The following AKAP11 variants were observed in gnomAD, a reference collection of about 807,000 sequenced individuals.
AKAP11 encodes A-kinase anchoring protein 11, also known as A-kinase anchor protein 11.
Under a neutral mutation model 146.1 loss-of-function variants are expected in AKAP11, and 36 were observed. That is an observed-to-expected ratio of 0.25 (90% CI 0.19 to 0.33). The LOEUF (loss-of-function observed/expected upper bound fraction) is 0.33. Ranked by LOEUF, AKAP11 falls within the 10% of genes least tolerant of loss-of-function variation. The pLI, the probability that AKAP11 is intolerant of heterozygous loss-of-function variation, is 1.00. For missense variants in AKAP11, 2,201 were observed against 2,197.0 expected, an observed-to-expected ratio of 1.00 and a Z score of -0.04; for synonymous variants, 780 against 786.5, an observed-to-expected ratio of 0.99 and a Z score of 0.14.
rs1420149025 is a variant in AKAP11 at position 42,279,691 on chromosome 13, C to CT, written c.-99-6288dup. ...TCATTTCTAGGTCTTCATTTATTGC[C>CT]TTTTTTTCTCTTGGTTATGGTTCAT... is the stretch of plus-strand genomic sequence containing the variant. On this transcript the variant is annotated intron_variant, in intron 1 of 12. Transcript: ENST00000025301. Among the ~76,000 whole-genome samples, 3 of 152,146 alleles carry CT rather than the reference C, an allele frequency of 2.0e-5. No homozygotes were observed. The East Asian group carries it at 5.8e-4, about 29-fold the overall frequency.
intron 4 of AKAP11, 127 bp from the exon 5 acceptor site, chr13:42,295,568 A>T: frequency 1.2e-6 from 1 of 866,056 alleles, no homozygotes. Context: ...GTCATCTTTG[A>T]AAAAAATCCT....
In AKAP11 at chr13:42,303,653, G is replaced by C. The variant is rs1268219777; in HGVS notation, c.4907G>C (p.Ser1636Thr). 1 of 1,614,032 alleles carries C rather than the reference G, an allele frequency of 6.2e-7. No homozygotes were observed. The highest frequency in any genetic ancestry group is 8.5e-7 in the Non-Finnish European group (1 of 1,180,022). The change falls in exon 8 of 13, where the codon AGT becomes ACT. Residue 1636 changes from serine (S) to threonine (T), a missense_variant. Physicochemically the swap from Ser to Thr is moderately conservative, Grantham distance 58. Around this residue, in one of 3 missense-constraint regions of AKAP11, gnomAD observed 1,867 missense variants for 1,833.5 expected, o/e 1.02. Coordinates refer to ENST00000025301, the MANE Select transcript of AKAP11 (RefSeq NM_016248.4). ...CAGAAATCTAGGATTTTTCATCTCA[G>C]TGTCCCTCAGATTCATGTTAATCTT... ...RYQKSRIFHL[S>T]VPQIHVNLDK...
chr13:42,312,999 C>T (rs1287158522), intron 9 of AKAP11, 48 bp from the exon 10 acceptor site: 2 of 1,510,576 alleles, frequency 1.3e-6, no homozygotes, highest in Non-Finnish European at 1.8e-6. Flanking sequence ...AAGGTCTTTT[C>T]TACTATTCAT....
In AKAP11 at chr13:42,319,159, A is replaced by G; in HGVS notation, c.5637A>G (p.Glu1879=). The change falls in exon 13 of 13, where the codon GAA becomes GAG. Residue 1879 remains glutamate, a synonymous_variant. Coordinates refer to ENST00000025301, the MANE Select transcript of AKAP11 (RefSeq NM_016248.4). The part of the protein sequence containing the change: ...DLLQAVLQYY[E]VMEKASSEER... Reference sequence around the variant, plus strand: ...TGCAGGCTGTGCTTCAATACTATGAAGTGATGGAAAAAGCTTCCAGTGAGG... The same window carrying G: ...TGCAGGCTGTGCTTCAATACTATGAGGTGATGGAAAAAGCTTCCAGTGAGG... The G allele has an allele frequency of 6.2e-7, 1 of 1,614,094 alleles. No individual in the cohort carries two copies. The highest frequency in any genetic ancestry group is 8.5e-7 in the Non-Finnish European group (1 of 1,179,976).
rs539913833 is a variant in AKAP11, at chr13:42,321,781, A to G, written c.*2553A>G. The stretch of plus-strand genomic sequence containing the variant: ...TGACATATTTATACTGTAACATTGT[A>G]ATATTGCTGTGCTGTACATTTTGGC... On this transcript the variant is annotated 3_prime_UTR_variant, in exon 13 of 13. Transcript: ENST00000025301. 1 of 152,410 alleles carries G rather than the reference A, an allele frequency of 6.6e-6. No homozygotes were observed. The highest frequency in any genetic ancestry group is 2.4e-5 in the African/African-American group (1 of 41,572). The allele number at this position is 152,410 out of a possible 1,614,324, so 9.4% of individuals were successfully genotyped here. A position where few individuals can be genotyped will look rare whatever the true frequency, so the allele number is the denominator to read the frequency against.
chr13:42,306,159 A>G (rs1433831999), intron 8 of AKAP11, among the ~76,000 whole-genome samples: 1 of 152,234 alleles, frequency 6.6e-6, no homozygotes, highest in Non-Finnish European at 1.5e-5. Context: ...TTTTCACTAC[A>G]TACCAGTTCC....
Position 42,298,633 on chromosome 13 carries a change from G to A in AKAP11, c.452G>A (p.Gly151Asp). The part of the protein sequence containing the change: ...IFSLLSKYAT[G>D]IRYTLDTFLH... The stretch of plus-strand genomic sequence containing the variant: ...AGTCTCCTAAGTAAATATGCTACTG[G>A]TATAAGGTACACCTTGGACACATTC... The change falls in exon 7 of 13, where the codon GGT (glycine) becomes GAT (aspartate). Residue 151 changes from glycine (G) to aspartate (D), a missense_variant. Transcript: ENST00000025301. The A allele has an allele frequency of 6.2e-7, 1 of 1,612,178 alleles. No homozygotes were observed. The highest frequency in any genetic ancestry group is 8.5e-7 in the Non-Finnish European group (1 of 1,179,330).
intron 11 of AKAP11, among the ~76,000 whole-genome samples, chr13:42,316,150 T>C (rs1412527535): frequency 6.6e-6 from 1 of 152,222 alleles, no homozygotes; most frequent in Non-Finnish European, 1.5e-5. Context: ...ACAATACATT[T>C]ATTTTTAGAG....
rs1594333859 is a variant in AKAP11, at chr13:42,300,639, A to G, written c.1893A>G (p.Leu631=). 6.2e-7 allele frequency: 1 copy of G among 1,614,118 alleles called. No individual in the cohort carries two copies. The highest frequency in any genetic ancestry group is 2.2e-5 in the East Asian group (1 of 44,882). ...CTTTATCAAATGCCTTAAAAGATTT[A>G]CAGTATGTAAAGAAGCAGATATTCA... ...SEALSNALKD[L]QYVKKQIFTN... Residue 631 remains leucine (L), a synonymous_variant, in exon 8 of 13, where the codon TTA becomes TTG. Coordinates refer to ENST00000025301, the MANE Select transcript of AKAP11 (RefSeq NM_016248.4).
rs749308772 is a variant in AKAP11 at position 42,302,249 on chromosome 13, G to T, written c.3503G>T (p.Arg1168Leu). The T allele has an allele frequency of 1.2e-6, 2 of 1,614,132 alleles. No homozygotes were observed. Among genetic ancestry groups the T allele is most frequent in the South Asian group, 1.1e-5 (1 of 91,084 alleles). Reference sequence around the variant, plus strand: ...GAAGAGTTCATGTTGAAACTCATGCGATCTCTTTCTGAAGAAGTTGAGAGT... The same window carrying T: ...GAAGAGTTCATGTTGAAACTCATGCTATCTCTTTCTGAAGAAGTTGAGAGT... ...EKEEFMLKLM[R>L]SLSEEVESSE... Residue 1168 changes from arginine to leucine, a missense_variant, in exon 8 of 13, where the codon CGA becomes CTA. Around this residue, in one of 3 missense-constraint regions of AKAP11, gnomAD observed 1,867 missense variants for 1,833.5 expected, o/e 1.02. Coordinates refer to ENST00000025301, the MANE Select transcript of AKAP11 (RefSeq NM_016248.4).
chr13:42,323,055 C>CT lies in AKAP11; in HGVS notation c.*3833dup, dbSNP rs924677855. 6.6e-6 allele frequency: 1 copy of CT among 152,630 alleles called. No homozygotes were observed. The highest frequency in any genetic ancestry group is 2.4e-5 in the African/African-American group (1 of 41,406). 9.5% of individuals were successfully genotyped at this position (152,630 alleles called of 1,614,324 possible). ...GATCTTGTACTGTGTAACAGTAACTCTTTTTTGCTTTTCAGTAATTTAATA... is the reference window on the plus strand; with the variant it reads ...GATCTTGTACTGTGTAACAGTAACTCTTTTTTTGCTTTTCAGTAATTTAATA... On this transcript the variant is annotated 3_prime_UTR_variant, in exon 13 of 13. Coordinates refer to ENST00000025301, the MANE Select transcript of AKAP11 (RefSeq NM_016248.4).
rs63263761 is a variant in AKAP11, at chr13:42,300,459, A to C, written c.1713A>C (p.Lys571Asn). 3,693 of 1,613,996 alleles carry C rather than the reference A, an allele frequency of 2.3e-3. 9 individuals are homozygous for C. The highest frequency in any genetic ancestry group is 2.9e-3 in the Non-Finnish European group (3,388 of 1,179,930). Residue 571 changes from lysine to asparagine, a missense_variant, in exon 8 of 13, where the codon AAA (lysine) becomes AAC (asparagine). Transcript: ENST00000025301. ...GCAGTGCATTTAAAGACTTACAGAA[A>C]GGAGTCTCTTCATGTACCAATGCTT... Reference protein sequence around the residue: ...SFGSAFKDLQKGVSSCTNALY... With the variant: ...SFGSAFKDLQNGVSSCTNALY...
chr13:42,319,070 C>T lies in AKAP11; in HGVS notation c.5566-18C>T. On this transcript the variant is annotated intron_variant, in intron 12 of 12. Coordinates refer to ENST00000025301, the MANE Select transcript of AKAP11 (RefSeq NM_016248.4). ...AAAATTGTTTTTGGTTAATGTTTGA[C>T]ACATCTTTCTTTCTTAGCTTTCAAA... 6.2e-7 allele frequency: 1 copy of T among 1,609,530 alleles called. No homozygotes were observed. The highest frequency in any genetic ancestry group is 8.5e-7 in the Non-Finnish European group (1 of 1,178,166).
At chr13:42,284,502 G>T (rs1475087150) in intron 1 of AKAP11, among the ~76,000 whole-genome samples, 1 of 152,164 alleles carries the variant, frequency 6.6e-6, no homozygotes, top group African/African-American at 2.4e-5. Flanking sequence ...AGTGGCCTGG[G>T]ACAAATAAAA....
In AKAP11 at chr13:42,321,453, T is replaced by A. The variant is rs762017075; in HGVS notation, c.*2225T>A. 10 of 152,204 alleles carry A rather than the reference T, an allele frequency of 6.6e-5. No homozygotes were observed. The highest frequency in any genetic ancestry group is 1.2e-4 in the Non-Finnish European group (8 of 68,032). The allele number at this position is 152,204 out of a possible 1,614,324, so 9.4% of individuals were successfully genotyped here. On this transcript the variant is annotated 3_prime_UTR_variant, in exon 13 of 13. Coordinates refer to ENST00000025301, the MANE Select transcript of AKAP11 (RefSeq NM_016248.4). ...GTGTGGTAATAATAATAGTGGAACT[T>A]CACACTTACATCAATTCAGTGCAGG...
At chr13:42,308,084 A>C (rs1960362833) in intron 8 of AKAP11, among the ~76,000 whole-genome samples, 1 of 152,232 alleles carries the variant, frequency 6.6e-6, no homozygotes, top group Non-Finnish European at 1.5e-5. Flanking sequence ...AGACTCCTTT[A>C]ACATAAATAA....
chr13:42,302,357 C>T lies in AKAP11; in HGVS notation c.3611C>T (p.Thr1204Ile). 1 of 1,614,172 alleles carries T rather than the reference C, an allele frequency of 6.2e-7. No homozygotes were observed. The change falls in exon 8 of 13, where the codon ACA becomes ATA. Residue 1204 changes from threonine (T) to isoleucine (I), a missense_variant. By Grantham distance (89) the Thr-to-Ile change is moderately conservative. Transcript: ENST00000025301. The part of the protein sequence containing the change: ...KKVQFAEALA[T>I]HILSLATEMA... ...GTTCAGTTTGCAGAAGCATTAGCTA[C>T]ACACATCCTTTCTCTTGCAACTGAA...
rs1296570444 is a variant in AKAP11, at chr13:42,300,484, T to G, written c.1738T>G (p.Leu580Val). 5 of 1,613,952 alleles carry G rather than the reference T, an allele frequency of 3.1e-6. No homozygotes were observed. The African/African-American group carries it at 6.7e-5, about 22-fold the overall frequency. Residue 580 changes from leucine to valine, a missense_variant, in exon 8 of 13, where the codon TTG becomes GTG. Physicochemically the swap from Leu to Val is conservative, Grantham distance 32. This residue lies in a region of AKAP11 where 1,867 missense variants were observed against 1,833.5 expected (regional missense o/e 1.02). Coordinates refer to ENST00000025301, the MANE Select transcript of AKAP11 (RefSeq NM_016248.4). ...QKGVSSCTNALYHLAIKLTSS... is the reference protein window; with the variant it reads ...QKGVSSCTNAVYHLAIKLTSS... ...AGGAGTCTCTTCATGTACCAATGCT[T>G]TGTACCACTTAGCCATCAAATTGAC...
chr13:42,313,185 A>G (rs897238567), intron 10 of AKAP11, 55 bp downstream of exon 10: 20 of 1,316,730 alleles, frequency 1.5e-5, no homozygotes, highest in Non-Finnish European at 1.1e-6. Flanking sequence ...CTAATGCATG[A>G]TGTCATATTC....
Sources: gnomAD v4.1 joint callset for allele counts (sites outside exome capture counted in the v4.1 genomes callset) on GRCh38, gnomAD v4.1.1 for gene constraint, gnomAD v4.1.1 regional missense constraint, MANE v1.5 for transcripts, NCBI Gene and HGNC (gene_info 2026-07-23, HGNC 2026-07-21) for gene names.